Variants in ADGRL2 observed in about 807,000 individuals in gnomAD.
The protein encoded by ADGRL2 is adhesion G protein-coupled receptor L2.
ADGRL2 carries 44 observed loss-of-function variants against 157.4 expected under a neutral mutation model. The observed-to-expected ratio is 0.28, with a 90% CI of 0.22 to 0.36. ADGRL2 has a LOEUF of 0.36. ADGRL2 is among the 10% of genes least tolerant of loss of function. ADGRL2 has a pLI of 1.00. For missense variants in ADGRL2, 1,510 were observed against 1,768.9 expected (o/e 0.85, Z 2.63); for synonymous variants, 585 against 624.7 (o/e 0.94, Z 0.95).
At chr1:81,847,406 T>C (rs1193479723) in intron 2 of ADGRL2, among the ~76,000 whole-genome samples, 2 of 151,942 alleles carry the variant, frequency 1.3e-5, no homozygotes, top group Non-Finnish European at 2.9e-5. Flanking sequence ...GTTTTGGTTA[T>C]TAAAATGTTT....
intron 2 of ADGRL2, among the ~76,000 whole-genome samples, chr1:81,508,825 C>T (rs990465985): frequency 4.6e-5 from 7 of 152,122 alleles, no homozygotes; most frequent in Non-Finnish European, 7.4e-5. Context: ...CTGACATAAC[C>T]TTTAGAGGGT....
intron 2 of ADGRL2, among the ~76,000 whole-genome samples, chr1:81,569,574 G>A (rs2080639217): frequency 6.6e-6 from 1 of 152,164 alleles, no homozygotes; most frequent in African/African-American, 2.4e-5. Flanking sequence ...TTAGGAGACT[G>A]AGGCAAGAGG....
intron 3 of ADGRL2, among the ~76,000 whole-genome samples, chr1:81,587,914 G>C (rs900588488): frequency 8.5e-5 from 13 of 152,080 alleles, no homozygotes. Flanking sequence ...GCATACTATC[G>C]GGTTTGGGTC....
At chr1:81,419,024 A>G (rs1031204662) in intron 1 of ADGRL2, among the ~76,000 whole-genome samples, 1 of 152,288 alleles carries the variant, frequency 6.6e-6, no homozygotes, top group South Asian at 2.1e-4. Flanking sequence ...CTAAGAATCC[A>G]GGAATGCAAT....
chr1:81,564,893 C>T (rs1385963967), intron 2 of ADGRL2, among the ~76,000 whole-genome samples: 1 of 152,142 alleles, frequency 6.6e-6, no homozygotes, highest in Non-Finnish European at 1.5e-5. Context: ...AGCCTCCATC[C>T]TAATTCAGGC....
intron 2 of ADGRL2, among the ~76,000 whole-genome samples, chr1:81,785,595 G>C (rs138503200): frequency 5.6e-4 from 85 of 152,024 alleles, no homozygotes; most frequent in African/African-American, 1.8e-3. Flanking sequence ...GGGCATGATG[G>C]TGCGCACCTG....
At chr1:81,508,463 G>A (rs2148066987) in intron 2 of ADGRL2, among the ~76,000 whole-genome samples, 1 of 152,304 alleles carries the variant, frequency 6.6e-6, no homozygotes, top group Admixed American at 6.5e-5. Context: ...GTGCTCATGA[G>A]GCATTACAAA....
rs149787129 is a variant in ADGRL2 at position 81,488,335 on chromosome 1, C to T, written c.-248+43246C>T. The stretch of plus-strand genomic sequence containing the variant: ...AAATCACAAAATCAATAAATAAAAA[C>T]GTTAACAAAAAACAGCAAACTCTGG... On this transcript the variant is annotated intron_variant, in intron 2 of 24. Transcript: ENST00000370721. Among the ~76,000 whole-genome samples, 198 of 152,086 alleles carry T rather than the reference C, an allele frequency of 1.3e-3. 1 individual carries two copies. In the East Asian group the frequency reaches 0.021, roughly 16 times the overall value.
chr1:81,880,819 G>C (rs1167572018), intron 2 of ADGRL2, among the ~76,000 whole-genome samples: 1 of 151,984 alleles, frequency 6.6e-6, no homozygotes, highest in African/African-American at 2.4e-5. Flanking sequence ...TGACATTGGT[G>C]GGTTGGATGT....
chr1:81,722,334 A>G, intron 1 of ADGRL2: 2 of 688,742 alleles, frequency 2.9e-6, no homozygotes, highest in Non-Finnish European at 5.3e-6. Context: ...AGATGAGATC[A>G]GGCATATGAT....
intron 3 of ADGRL2, among the ~76,000 whole-genome samples, chr1:81,647,680 A>G (rs1444715376): frequency 2.6e-5 from 4 of 152,208 alleles, no homozygotes; most frequent in Admixed American, 1.3e-4. Context: ...TTCAAGCTCT[A>G]TTAGTCATAA....
chr1:81,335,960 A>G (rs1661613705), intron 1 of ADGRL2, among the ~76,000 whole-genome samples: 1 of 152,212 alleles, frequency 6.6e-6, no homozygotes, highest in Non-Finnish European at 1.5e-5. Flanking sequence ...ATTAGCTGGA[A>G]TCTAGATTCC....
chr1:81,722,612 C>T (rs1570961740), intron 1 of ADGRL2: 2 of 1,436,316 alleles, frequency 1.4e-6, no homozygotes, highest in Non-Finnish European at 1.9e-6. Context: ...CATGATCTTG[C>T]CCTTGCCTGT....
chr1:81,501,811 A>AG (rs57360565), intron 2 of ADGRL2: 27,319 of 1,551,040 alleles, frequency 0.018, 129 homozygotes, highest in Middle Eastern at 0.032. Flanking sequence ...AGCAGCAGCA[A>AG]CAGCAGCAGC....
chr1:81,721,797 G>C, intron 1 of ADGRL2: 5 of 1,271,408 alleles, frequency 3.9e-6, no homozygotes, highest in Non-Finnish European at 5.6e-6. Flanking sequence ...GAGTGGGTGG[G>C]AGCAGGCGGT....
At chr1:81,388,549 C>A (rs2101098822) in intron 1 of ADGRL2, among the ~76,000 whole-genome samples, 1 of 152,262 alleles carries the variant, frequency 6.6e-6, no homozygotes, top group African/African-American at 2.4e-5. Flanking sequence ...TGTTGAAATT[C>A]TAACTTCAAG....
chr1:81,594,628 A>G (rs2081196768), intron 3 of ADGRL2, among the ~76,000 whole-genome samples: 1 of 152,198 alleles, frequency 6.6e-6, no homozygotes, highest in African/African-American at 2.4e-5. Context: ...ACAAATCACA[A>G]CGTAGTTAGA....
intron 18 of ADGRL2, among the ~76,000 whole-genome samples, chr1:81,981,528 A>G (rs1409601253): frequency 6.6e-6 from 1 of 151,966 alleles, no homozygotes; most frequent in Admixed American, 6.6e-5. Context: ...AGACAAAGTC[A>G]TAGGGGATAT....
intron 3 of ADGRL2, among the ~76,000 whole-genome samples, chr1:81,679,021 G>A (rs1358646442): frequency 6.6e-6 from 1 of 152,086 alleles, no homozygotes; most frequent in Non-Finnish European, 1.5e-5. Context: ...AGAATATGAG[G>A]CATAAACATG....
Sources: allele counts gnomAD v4.1 joint callset (sites outside exome capture counted in the v4.1 genomes callset), GRCh38; gene constraint gnomAD v4.1.1; transcripts MANE v1.5; gene names NCBI Gene and HGNC (gene_info 2026-07-23, HGNC 2026-07-21).